Variants in ACOT11 observed in about 807,000 individuals in gnomAD.
ACOT11 encodes the protein acyl-CoA thioesterase 11, also known as acyl-coenzyme A thioesterase 11.
Under a neutral mutation model 77.5 loss-of-function variants are expected in ACOT11, and 69 were observed. The observed-to-expected ratio is 0.89, with a 90% CI of 0.73 to 1.09. ACOT11 has a LOEUF of 1.09. Ranked by LOEUF, ACOT11 falls within the 50% of genes least tolerant of loss-of-function variation. The pLI is 0.00. For missense variants in ACOT11, 766 were observed against 813.7 expected (o/e 0.94, Z 0.71); for synonymous variants, 279 against 313.0 (o/e 0.89, Z 1.15).
rs762050946 is a variant in ACOT11 at position 54,603,868 on chromosome 1, C to T, written c.1086-3C>T. 4.3e-6 allele frequency: 7 copies of T among 1,613,878 alleles called. No individual in the cohort carries two copies. The African/African-American group carries it at 8.0e-5, about 18-fold the overall frequency. ...CAAGGTTGTCATCTTCTCTCCTTCC[C>T]AGGAAGTACATCGTGTCCTGTAAGC... On this transcript the variant is annotated splice_polypyrimidine_tract_variant and splice_region_variant and intron_variant, in intron 10 of 15. Coordinates refer to ENST00000343744, the MANE Select transcript of ACOT11 (RefSeq NM_147161.4).
chr1:54,599,223 T>TATAA (rs1643934370), intron 7 of ACOT11, 73 bp from the exon 8 acceptor site: 1 of 191,022 alleles, frequency 5.2e-6, no homozygotes, highest in African/African-American at 8.8e-5. Flanking sequence ...TATATATATA[T>TATAA]AAAAATCTGG....
intron 15 of ACOT11, among the ~76,000 whole-genome samples, chr1:54,625,816 G>C (rs940896044): frequency 2.0e-5 from 3 of 151,782 alleles, no homozygotes; most frequent in African/African-American, 7.3e-5. Flanking sequence ...GCGCGTGTTT[G>C]TAATCCCAGC....
chr1:54,601,253 C>T lies in ACOT11; in HGVS notation c.885-16C>T, dbSNP rs761984544. 2.5e-6 allele frequency: 4 copies of T among 1,606,096 alleles called. No homozygotes were observed. The African/African-American group carries it at 5.3e-5, about 21-fold the overall frequency. On this transcript the variant is annotated splice_polypyrimidine_tract_variant and intron_variant, in intron 8 of 15. Coordinates refer to ENST00000343744, the MANE Select transcript of ACOT11 (RefSeq NM_147161.4). ...GAAGGTCTGTCCAGGTTGGAAGCCACACTCCCTCCCCTCAGCATGGAGGTG... is the reference window on the plus strand; with the variant it reads ...GAAGGTCTGTCCAGGTTGGAAGCCATACTCCCTCCCCTCAGCATGGAGGTG...
intron 1 of ACOT11, among the ~76,000 whole-genome samples, chr1:54,572,384 C>G (rs139409172): frequency 6.6e-6 from 1 of 152,090 alleles, no homozygotes; most frequent in Non-Finnish European, 1.5e-5. Flanking sequence ...CATGGTGACC[C>G]AGAGGCAGCA....
intron 9 of ACOT11, among the ~76,000 whole-genome samples, chr1:54,601,853 C>T (rs1252289527): frequency 6.6e-6 from 1 of 152,212 alleles, no homozygotes; most frequent in African/African-American, 2.4e-5. Context: ...TGCCTGGCTG[C>T]GCCCTGGGAG....
chr1:54,618,683 C>T (rs1164133549), intron 15 of ACOT11, among the ~76,000 whole-genome samples: 4 of 152,102 alleles, frequency 2.6e-5, no homozygotes, highest in African/African-American at 7.2e-5. Context: ...AAGCCATATT[C>T]AGGAGGGAAG....
At chr1:54,602,015 T>C (rs1260420914) in intron 9 of ACOT11, among the ~76,000 whole-genome samples, 2 of 152,236 alleles carry the variant, frequency 1.3e-5, no homozygotes, top group African/African-American at 2.4e-5. Context: ...CCCCTGGCCT[T>C]CCTGCTGGCC....
intron 15 of ACOT11, among the ~76,000 whole-genome samples, chr1:54,617,945 T>G (rs976740317): frequency 1.1e-4 from 16 of 151,870 alleles, no homozygotes; most frequent in Non-Finnish European, 2.4e-4. Flanking sequence ...CAGCCTTGTC[T>G]CGAACTCCTG....
In ACOT11 at chr1:54,548,248, G is replaced by A. The variant is rs1280826389; in HGVS notation, c.-62G>A. The A allele has an allele frequency of 1.3e-6, 2 of 1,561,360 alleles. No homozygotes were observed. The highest frequency in any genetic ancestry group is 1.7e-6 in the Non-Finnish European group (2 of 1,151,900). ...GCTTCATTTGGAGTCAGGCCTGGCT[G>A]TTGCTCAGGTGACCAGCTTGTGTCT... On this transcript the variant is annotated 5_prime_UTR_variant, in exon 1 of 16. Coordinates refer to ENST00000343744, the MANE Select transcript of ACOT11 (RefSeq NM_147161.4).
At position 54,609,087 on chromosome 1, in the gene ACOT11, T is replaced by C. The variant is rs757650437; in HGVS notation, c.1760T>C (p.Leu587Pro). The change falls in exon 16 of 16, where the codon CTG becomes CCG. Residue 587 changes from leucine (L) to proline (P), a missense_variant. Coordinates refer to ENST00000343744, the MANE Select transcript of ACOT11 (RefSeq NM_147161.4). ...EQFLLDNRNDLAPSLQTL is the reference protein window; with the variant it reads ...EQFLLDNRNDPAPSLQTL ...TTTCTCTTGGACAACCGGAATGATC[T>C]GGCCCCCAGCCTCCAGACCCTCTAG... 1 of 1,614,164 alleles carries C rather than the reference T, an allele frequency of 6.2e-7. No homozygotes were observed. The highest frequency in any genetic ancestry group is 1.1e-5 in the South Asian group (1 of 91,086).
intron 1 of ACOT11, chr1:54,573,399 A>G: frequency 4.2e-6 from 1 of 235,746 alleles, no homozygotes; most frequent in Middle Eastern, 2.1e-3. Context: ...ACATTCAGGT[A>G]TTAAGGCTGT....
chr1:54,569,206 C>G (rs1653850031), intron 1 of ACOT11, among the ~76,000 whole-genome samples: 1 of 151,864 alleles, frequency 6.6e-6, no homozygotes, highest in Non-Finnish European at 1.5e-5. Context: ...AAGCAATCCT[C>G]CTGCCTCAGC....
intron 16 of ACOT11, among the ~76,000 whole-genome samples, chr1:54,633,883 T>A (rs1460442465): frequency 6.6e-6 from 1 of 152,196 alleles, no homozygotes; most frequent in South Asian, 2.1e-4. Context: ...AGCAAATCCA[T>A]AAAGCTCAGA....
intron 1 of ACOT11, among the ~76,000 whole-genome samples, chr1:54,571,065 C>G (rs1201586900): frequency 7.1e-6 from 1 of 141,634 alleles, no homozygotes; most frequent in Non-Finnish European, 1.5e-5. Context: ...ATGATATTCT[C>G]TCTCTCTTTT....
At chr1:54,581,132 G>C (rs1654290540) in intron 1 of ACOT11, among the ~76,000 whole-genome samples, 2 of 152,348 alleles carry the variant, frequency 1.3e-5, no homozygotes, top group South Asian at 4.1e-4. Context: ...GGTGGGTGGA[G>C]TTATGAGGAC....
chr1:54,594,079 A>T, intron 5 of ACOT11, 40 bp downstream of exon 5: 3 of 1,558,258 alleles, frequency 1.9e-6, no homozygotes, highest in Non-Finnish European at 2.6e-6. Context: ...CTGCTCAGTG[A>T]CCTGGGCACC....
rs1283465078 is a variant in ACOT11, at chr1:54,609,640, C to T, written c.*528C>T. The T allele has an allele frequency of 5.6e-6, 9 of 1,613,772 alleles. No individual in the cohort carries two copies. In the South Asian group the frequency reaches 9.9e-5, roughly 18 times the overall value. On this transcript the variant is annotated 3_prime_UTR_variant, in exon 16 of 16. Transcript: ENST00000343744. The stretch of plus-strand genomic sequence containing the variant: ...AGACCTCAGCCACAGCTGTAAGCAG[C>T]TCTCTGCCAGCCACATGGCCGGGGA...
intron 15 of ACOT11, among the ~76,000 whole-genome samples, chr1:54,618,037 C>T (rs951286500): frequency 6.6e-6 from 1 of 151,652 alleles, no homozygotes; most frequent in Non-Finnish European, 1.5e-5. Flanking sequence ...CGAGATTCTG[C>T]ATTTTTAACA....
intron 1 of ACOT11, among the ~76,000 whole-genome samples, chr1:54,574,251 G>A (rs902821819): frequency 1.3e-5 from 2 of 152,132 alleles, no homozygotes; most frequent in East Asian, 1.9e-4. Context: ...GCTGAACCCC[G>A]GCCCACCCAG....
Sources: allele counts gnomAD v4.1 joint callset (sites outside exome capture counted in the v4.1 genomes callset), GRCh38; gene constraint gnomAD v4.1.1; transcripts MANE v1.5; gene names NCBI Gene and HGNC (gene_info 2026-07-23, HGNC 2026-07-21).